Variants in RALGAPA2 observed in about 807,000 individuals in gnomAD.
The protein encoded by RALGAPA2 is ral GTPase-activating protein subunit alpha-2.
Under a neutral mutation model 230.4 loss-of-function variants are expected in RALGAPA2, and 139 were observed. The ratio of observed to expected loss-of-function variants is 0.60; its 90% CI spans 0.53 to 0.69. RALGAPA2 has a LOEUF of 0.69. Ranked by LOEUF, RALGAPA2 falls within the 30% of genes least tolerant of loss-of-function variation. The pLI is 0.00. For synonymous variants in RALGAPA2, 847 were observed against 837.8 expected (o/e 1.01, Z -0.19); for missense variants, 2,163 against 2,276.0 (o/e 0.95, Z 1.01).
In RALGAPA2 at chr20:20,637,501, C is replaced by A. The variant is rs1424700593; in HGVS notation, c.667G>T (p.Ala223Ser). The A allele has an allele frequency of 2.4e-5, 38 of 1,558,032 alleles. No homozygotes were observed. The highest frequency in any genetic ancestry group is 1.8e-4 in the Middle Eastern group (1 of 5,474). The change falls in exon 8 of 40, where the codon GCT becomes TCT. Residue 223 changes from alanine to serine, a missense_variant and splice_region_variant. Ala to Ser is a moderately conservative substitution (Grantham distance 99, BLOSUM62 1). Transcript: ENST00000202677. ...QILLKYMVIQ[A>S]ASLEWKNKEN... is the part of the protein sequence containing the mutation. ...TTATTCTTCCACTCCAAGCTCGCAG[C>A]CTTTGGATAATATGTGGAAAAGAAC...
At chr20:20,558,858 C>T (rs575145323) in intron 23 of RALGAPA2, among the ~76,000 whole-genome samples, 5 of 150,384 alleles carry the variant, frequency 3.3e-5, no homozygotes, top group Admixed American at 2.0e-4. Context: ...CACAGACTAG[C>T]GTGCCCCATG....
At chr20:20,608,987 A>C (rs2065902065) in intron 14 of RALGAPA2, among the ~76,000 whole-genome samples, 1 of 152,084 alleles carries the variant, frequency 6.6e-6, no homozygotes, top group Admixed American at 6.6e-5. Flanking sequence ...ACTATTTTTT[A>C]TGGTAGGTTT....
At chr20:20,403,074 T>C (rs569109819) in intron 38 of RALGAPA2, among the ~76,000 whole-genome samples, 1 of 152,238 alleles carries the variant, frequency 6.6e-6, no homozygotes, top group South Asian at 2.1e-4. Flanking sequence ...TGACCCCCTA[T>C]TTTAAAGTGC....
chr20:20,675,411 C>T (rs909555083), intron 3 of RALGAPA2, among the ~76,000 whole-genome samples: 11 of 152,124 alleles, frequency 7.2e-5, no homozygotes, highest in African/African-American at 2.4e-4. Flanking sequence ...TCCTACAGTG[C>T]TTTGCCCTCC....
At chr20:20,653,446 TTGA>T in intron 4 of RALGAPA2, 81 bp downstream of exon 4, 1 of 785,758 alleles carries the variant, frequency 1.3e-6, no homozygotes, top group Non-Finnish European at 2.1e-6. Flanking sequence ...ATAAGCTATC[TTGA>T]TGATATCAAT....
intron 13 of RALGAPA2, 124 bp from the exon 14 acceptor site, chr20:20,611,550 T>TA (rs1045668243): frequency 1.4e-6 from 2 of 1,398,030 alleles, no homozygotes; most frequent in Non-Finnish European, 1.9e-6. Context: ...TCGAAACTAT[T>TA]AAAGTCCAGA....
At chr20:20,516,528 A>C (rs139471105) in intron 31 of RALGAPA2, among the ~76,000 whole-genome samples, 1 of 152,192 alleles carries the variant, frequency 6.6e-6, no homozygotes, top group African/African-American at 2.4e-5. Flanking sequence ...TAGCCACCAG[A>C]GGTCCTGAGC....
intron 37 of RALGAPA2, among the ~76,000 whole-genome samples, chr20:20,422,266 G>C (rs1452361980): frequency 6.6e-6 from 1 of 152,174 alleles, no homozygotes; most frequent in Non-Finnish European, 1.5e-5. Context: ...CATTTTAAAA[G>C]GGTGAACGCT....
At chr20:20,557,279 A>T (rs1376028256) in intron 23 of RALGAPA2, among the ~76,000 whole-genome samples, 1 of 152,196 alleles carries the variant, frequency 6.6e-6, no homozygotes, top group Non-Finnish European at 1.5e-5. Context: ...ACTGCACTCC[A>T]GCCTGGGCGA....
chr20:20,663,156 C>A lies in RALGAPA2; in HGVS notation c.271-9569G>T, dbSNP rs142164669. Reference sequence around the variant, plus strand: ...TAGAAGATTACAAACCAAAAGACTGCTTAGCAGGATACTCCACTGGTGGGG... The same window carrying A: ...TAGAAGATTACAAACCAAAAGACTGATTAGCAGGATACTCCACTGGTGGGG... On this transcript the variant is annotated intron_variant, in intron 3 of 39. Transcript: ENST00000202677. Among the ~76,000 whole-genome samples, 1,097 of 152,214 alleles carry A rather than the reference C, an allele frequency of 7.2e-3. 10 individuals are homozygous for A. Among genetic ancestry groups the A allele is most frequent in the African/African-American group, 0.025 (1,053 of 41,516 alleles).
chr20:20,513,365 C>A, intron 31 of RALGAPA2, 81 bp from the exon 32 acceptor site: 11 of 1,156,968 alleles, frequency 9.5e-6, no homozygotes, highest in Non-Finnish European at 7.7e-6. Context: ...GGGTGGGGGG[C>A]AGGGGGCAGT....
chr20:20,571,322 G>A, intron 23 of RALGAPA2, 136 bp downstream of exon 23: 1 of 964,192 alleles, frequency 1.0e-6, no homozygotes, highest in South Asian at 1.9e-5. Context: ...CATTGTGCTT[G>A]CTGTGTGTAA....
At chr20:20,401,162 T>A (rs917725829) in intron 38 of RALGAPA2, among the ~76,000 whole-genome samples, 26 of 152,316 alleles carry the variant, frequency 1.7e-4, no homozygotes, top group Admixed American at 6.5e-4. Flanking sequence ...TTCATGTGGT[T>A]GAACTGCACA....
At chr20:20,700,322 G>A (rs1477620778) in intron 1 of RALGAPA2, among the ~76,000 whole-genome samples, 2 of 152,000 alleles carry the variant, frequency 1.3e-5, no homozygotes, top group Admixed American at 1.3e-4. Flanking sequence ...GAGGGAGTGG[G>A]GTATGAGTTG....
At chr20:20,601,574 T>A in intron 16 of RALGAPA2, 108 bp downstream of exon 16, 2 of 1,062,230 alleles carry the variant, frequency 1.9e-6, no homozygotes, top group Non-Finnish European at 2.6e-6. Flanking sequence ...TCATTTAATA[T>A]AAGGTCTAAT....
In RALGAPA2 at chr20:20,616,087, A is replaced by T; in HGVS notation, c.1644T>A (p.Ile548=). 1 of 1,554,026 alleles carries T rather than the reference A, an allele frequency of 6.4e-7. No individual in the cohort carries two copies. The highest frequency in any genetic ancestry group is 8.7e-7 in the Non-Finnish European group (1 of 1,149,038). The stretch of plus-strand genomic sequence containing the variant: ...TAAGCTCCATTATCATGCGCCTAAA[A>T]ATAATCAAAACAGCTTTACAAGCAT... ...QVDACKAVLI[I]FRRMIMELTM... is the part of the protein sequence containing the mutation. Residue 548 remains isoleucine, a synonymous_variant, in exon 13 of 40, where the codon ATT becomes ATA. Coordinates refer to ENST00000202677, the MANE Select transcript of RALGAPA2 (RefSeq NM_020343.4).
chr20:20,468,358 T>C (rs907965355), intron 37 of RALGAPA2, among the ~76,000 whole-genome samples: 5 of 152,194 alleles, frequency 3.3e-5, no homozygotes, highest in African/African-American at 1.2e-4. Context: ...TATAACTCCA[T>C]TCTGGCTGCC....
rs185306533 is a variant in RALGAPA2 at position 20,618,901 on chromosome 20, A to G, written c.1539+376T>C. 2.0e-5 allele frequency among the ~76,000 whole-genome samples: 3 copies of G among 152,362 alleles called. No homozygotes were observed. The East Asian group carries it at 5.8e-4, about 29-fold the overall frequency. On this transcript the variant is annotated intron_variant, in intron 12 of 39. Transcript: ENST00000202677. Reference sequence around the variant, plus strand: ...GCCAATTTTAAGAGGAATATTACTTATAAGATTTTATAATTGCCAAGCTTG... The same window carrying G: ...GCCAATTTTAAGAGGAATATTACTTGTAAGATTTTATAATTGCCAAGCTTG...
intron 34 of RALGAPA2, chr20:20,504,961 T>C (rs773672536): frequency 2.4e-5 from 23 of 975,072 alleles, no homozygotes; most frequent in Middle Eastern, 5.2e-4. Context: ...CTTAGGGAAA[T>C]AGGTTGATAG....
Sources: gnomAD v4.1 joint callset for allele counts (sites outside exome capture counted in the v4.1 genomes callset) on GRCh38, gnomAD v4.1.1 for gene constraint, MANE v1.5 for transcripts, NCBI Gene and HGNC (gene_info 2026-07-23, HGNC 2026-07-21) for gene names.